TUT4: variants seen among roughly 807,000 people sequenced by gnomAD.
The protein encoded by TUT4 is terminal uridylyl transferase 4.
In TUT4, 36 loss-of-function variants were observed where a neutral mutation model predicts 192.2. That is an observed-to-expected ratio of 0.19 (90% CI 0.14 to 0.25). The LOEUF (loss-of-function observed/expected upper bound fraction) is 0.25. TUT4 is among the 10% of genes least tolerant of loss of function. TUT4 has a pLI of 1.00. For missense variants in TUT4, 1,493 were observed against 1,957.2 expected (o/e 0.76, Z 4.47); for synonymous variants, 618 against 666.0 (o/e 0.93, Z 1.11).
intron 20 of TUT4, among the ~76,000 whole-genome samples, chr1:52,455,059 C>G (rs901428372): frequency 6.6e-6 from 1 of 152,096 alleles, no homozygotes; most frequent in Non-Finnish European, 1.5e-5. Flanking sequence ...CCAAGGCAGG[C>G]AAATTACTTG....
intron 10 of TUT4, 59 bp downstream of exon 10, chr1:52,481,745 T>C: frequency 1.3e-6 from 2 of 1,547,094 alleles, no homozygotes; most frequent in Non-Finnish European, 1.7e-6. Context: ...TGAGCAGAGT[T>C]CTCTGCAAGA....
chr1:52,526,193 C>T lies in TUT4; in HGVS notation c.88G>A (p.Gly30Ser), dbSNP rs979898270. The T allele has an allele frequency of 3.1e-6, 5 of 1,609,168 alleles. No individual in the cohort carries two copies. Among genetic ancestry groups the T allele is most frequent in the Non-Finnish European group, 4.2e-6 (5 of 1,179,298 alleles). ...TTTCTAGCTTTCAATGTTTGATTACCTATAACTTGAACTGCTTTGCTTTCT... is the reference window on the plus strand; with the variant it reads ...TTTCTAGCTTTCAATGTTTGATTACTTATAACTTGAACTGCTTTGCTTTCT... ...CEESKAVQVI[G>S]NQTLKARNDK... The change falls in exon 2 of 30, where the codon GGT becomes AGT. Residue 30 changes from glycine (G) to serine (S), a missense_variant. Around this residue, in one of 7 missense-constraint regions of TUT4, gnomAD observed 260 missense variants for 247.8 expected, o/e 1.05. Coordinates refer to ENST00000257177, the MANE Select transcript of TUT4 (RefSeq NM_001009881.3).
intron 28 of TUT4, among the ~76,000 whole-genome samples, chr1:52,427,160 C>T: frequency 6.6e-6 from 1 of 152,002 alleles, no homozygotes; most frequent in Non-Finnish European, 1.5e-5. Context: ...ATGGGTTATG[C>T]AGATGAGTAA....
chr1:52,432,563 TG>T (rs1203373497), intron 27 of TUT4: 3 of 152,194 alleles, frequency 2.0e-5, no homozygotes, highest in Non-Finnish European at 4.4e-5. Context: ...GTATGGAACA[TG>T]ATCAATCTGA....
chr1:52,447,416 T>C (rs1369447556), intron 20 of TUT4, among the ~76,000 whole-genome samples: 1 of 147,466 alleles, frequency 6.8e-6, no homozygotes, highest in East Asian at 2.0e-4. Context: ...GCCACTGCAC[T>C]CCAGCCTGGG....
chr1:52,528,015 A>G (rs911565951), intron 1 of TUT4, among the ~76,000 whole-genome samples: 62 of 151,820 alleles, frequency 4.1e-4, no homozygotes, highest in African/African-American at 1.3e-3. Context: ...CGTCTCTACT[A>G]AAAATACAAA....
intron 26 of TUT4, among the ~76,000 whole-genome samples, chr1:52,435,805 G>C (rs1653565722): frequency 6.6e-6 from 1 of 152,104 alleles, no homozygotes; most frequent in African/African-American, 2.4e-5. Context: ...AGTATTCTGG[G>C]AGGCTGAGGT....
At chr1:52,533,017 A>T (rs930612793) in intron 1 of TUT4, among the ~76,000 whole-genome samples, 1 of 152,226 alleles carries the variant, frequency 6.6e-6, no homozygotes, top group Admixed American at 6.5e-5. Context: ...ACTTTTGTGT[A>T]TAGGAATAAA....
At chr1:52,452,469 T>C (rs1659716874) in intron 20 of TUT4, among the ~76,000 whole-genome samples, 1 of 152,200 alleles carries the variant, frequency 6.6e-6, no homozygotes, top group Non-Finnish European at 1.5e-5. Flanking sequence ...ATTACAGGGT[T>C]GGGACTTTCA....
At chr1:52,437,829 C>G in intron 25 of TUT4, 1 of 162,818 alleles carries the variant, frequency 6.1e-6, no homozygotes, top group South Asian at 1.6e-4. Context: ...GTGGTGTGCG[C>G]CTGTAATCCC....
In TUT4 at chr1:52,472,834, T is replaced by C. The variant is rs1171903595; in HGVS notation, c.2728-732A>G. 5.3e-5 allele frequency among the ~76,000 whole-genome samples: 8 copies of C among 152,184 alleles called. No individual in the cohort carries two copies. The South Asian group carries it at 1.7e-3, about 32-fold the overall frequency. ...ATGTTTAAAAAACACCAATACTCTT[T>C]TCTTTATTGTAATATGCCTACATCC... On this transcript the variant is annotated intron_variant, in intron 13 of 29. Coordinates refer to ENST00000257177, the MANE Select transcript of TUT4 (RefSeq NM_001009881.3).
At chr1:52,498,000 A>G (rs1023998228) in intron 4 of TUT4, among the ~76,000 whole-genome samples, 1 of 152,192 alleles carries the variant, frequency 6.6e-6, no homozygotes, top group African/African-American at 2.4e-5. Flanking sequence ...ATCAGATATA[A>G]TAGCCAAAGC....
chr1:52,545,479 C>T (rs1326273488), intron 1 of TUT4, among the ~76,000 whole-genome samples: 1 of 151,578 alleles, frequency 6.6e-6, no homozygotes, highest in Non-Finnish European at 1.5e-5. Flanking sequence ...ATAGCAACTC[C>T]AAAAAATGAA....
chr1:52,510,317 C>CAAAAAA lies in TUT4; in HGVS notation c.883-611_883-606dup, dbSNP rs200690805. Among the ~76,000 whole-genome samples, 494 of 77,452 alleles carry CAAAAAA rather than the reference C, an allele frequency of 6.4e-3. 6 individuals carry two copies. The highest frequency in any genetic ancestry group is 9.8e-3 in the African/African-American group (214 of 21,818). The allele number at this position is 77,452 out of a possible 152,430, so 50.8% of individuals were successfully genotyped here. On this transcript the variant is annotated intron_variant, in intron 3 of 29. Coordinates refer to ENST00000257177, the MANE Select transcript of TUT4 (RefSeq NM_001009881.3). ...GCAACAGAGCAAGACTTCGTATTAA[C>CAAAAAA]AAAAAAAAAAAAAAAAAAAAAAAAG...
chr1:52,475,739 A>G (rs1316599398), intron 12 of TUT4, among the ~76,000 whole-genome samples: 1 of 152,230 alleles, frequency 6.6e-6, no homozygotes, highest in East Asian at 1.9e-4. Context: ...TAAAATAAAA[A>G]GCTAAAAGGA....
intron 9 of TUT4, among the ~76,000 whole-genome samples, chr1:52,486,925 T>C (rs1168241453): frequency 6.6e-6 from 1 of 152,168 alleles, no homozygotes; most frequent in Non-Finnish European, 1.5e-5. Context: ...TTTTACTGAG[T>C]AGAACAATGT....
intron 11 of TUT4, 31 bp from the exon 12 acceptor site, chr1:52,477,913 C>T (rs752153742): frequency 6.5e-7 from 1 of 1,527,184 alleles, no homozygotes; most frequent in African/African-American, 1.4e-5. Flanking sequence ...TTCATTTAAG[C>T]TTAACAAAAC....
At chr1:52,434,368 A>G (rs1474614018) in intron 27 of TUT4, 3 of 152,216 alleles carry the variant, frequency 2.0e-5, no homozygotes, top group Non-Finnish European at 2.9e-5. Flanking sequence ...GTAAAATTTG[A>G]TGATACTAAT....
At chr1:52,472,136 AACTTTTGAGGG>A in intron 13 of TUT4, 34 bp from the exon 14 acceptor site, 1 of 1,597,734 alleles carries the variant, frequency 6.3e-7, no homozygotes, top group Non-Finnish European at 8.5e-7. Context: ...TAATCTAATA[AACTTTTGAGGG>A]ACTTCATCAC....
Sources: allele counts gnomAD v4.1 joint callset (sites outside exome capture counted in the v4.1 genomes callset), GRCh38; gene constraint gnomAD v4.1.1; regional missense constraint gnomAD v4.1.1; transcripts MANE v1.5; gene names NCBI Gene and HGNC (gene_info 2026-07-23, HGNC 2026-07-21).